Variants in RBFOX1 observed in about 807,000 individuals in gnomAD.
RBFOX1 encodes the protein RNA binding protein fox-1 homolog 1.
A neutral mutation model predicts 57.7 loss-of-function variants in RBFOX1; 8 were observed. That is an observed-to-expected ratio of 0.14 (90% CI 0.08 to 0.25). The LOEUF (loss-of-function observed/expected upper bound fraction) is 0.25. Among genes scored for constraint, RBFOX1 ranks in the 10% least tolerant of loss-of-function variants. The pLI, the probability that RBFOX1 is intolerant of heterozygous loss-of-function variation, is 1.00. For synonymous variants in RBFOX1, 326 were observed against 222.4 expected (o/e 1.47, Z -4.15); for missense variants, 611 against 548.5 (o/e 1.11, Z -1.14).
chr16:7,539,795 G>C (rs1357800049), intron 5 of RBFOX1, among the ~76,000 whole-genome samples: 1 of 152,184 alleles, frequency 6.6e-6, no homozygotes, highest in Non-Finnish European at 1.5e-5. Context: ...GGAGATGAAA[G>C]ACGAGAGAGG....
chr16:5,590,853 G>A (rs1038700373), intron 2 of RBFOX1, among the ~76,000 whole-genome samples: 1 of 152,088 alleles, frequency 6.6e-6, no homozygotes, highest in African/African-American at 2.4e-5. Flanking sequence ...GCCTACCCTG[G>A]GAACAGGAGG....
intron 4 of RBFOX1, among the ~76,000 whole-genome samples, chr16:5,965,509 C>T (rs1567198734): frequency 6.6e-6 from 1 of 152,148 alleles, no homozygotes; most frequent in African/African-American, 2.4e-5. Flanking sequence ...TCAGGCAGAA[C>T]TAAACACATA....
intron 1 of RBFOX1, among the ~76,000 whole-genome samples, chr16:6,071,638 A>G (rs371847460): frequency 2.6e-5 from 4 of 152,360 alleles, no homozygotes; most frequent in African/African-American, 9.6e-5. Context: ...TTTTAAGGGC[A>G]TAATATGATA....
chr16:5,480,592 ATGG>A (rs1288377297), intron 2 of RBFOX1, among the ~76,000 whole-genome samples: 1 of 152,198 alleles, frequency 6.6e-6, no homozygotes, highest in Admixed American at 6.5e-5. Context: ...TTAGTTCCCA[ATGG>A]CTTTCTTAAT....
At chr16:5,302,222 T>G (rs559566697) in intron 1 of RBFOX1, among the ~76,000 whole-genome samples, 1 of 152,348 alleles carries the variant, frequency 6.6e-6, no homozygotes, top group South Asian at 2.1e-4. Context: ...TTATTTAATT[T>G]CTAAATATTT....
At chr16:6,270,632 A>G (rs950470688) in intron 1 of RBFOX1, among the ~76,000 whole-genome samples, 3 of 152,206 alleles carry the variant, frequency 2.0e-5, no homozygotes, top group African/African-American at 4.8e-5. Context: ...TATCACAATT[A>G]TAGTCAGAGG....
intron 3 of RBFOX1, among the ~76,000 whole-genome samples, chr16:5,845,942 G>A (rs2056745541): frequency 3.3e-5 from 5 of 152,172 alleles, no homozygotes; most frequent in Admixed American, 2.6e-4. Context: ...GGAGGCTGAG[G>A]TGGGCAGATT....
chr16:5,902,003 C>T (rs886754716), intron 4 of RBFOX1, among the ~76,000 whole-genome samples: 1 of 152,118 alleles, frequency 6.6e-6, no homozygotes, highest in African/African-American at 2.4e-5. Context: ...TGTAACTTCC[C>T]ATTATTACTC....
intron 2 of RBFOX1, among the ~76,000 whole-genome samples, chr16:6,543,323 G>A (rs1567620855): frequency 6.6e-6 from 1 of 152,086 alleles, no homozygotes; most frequent in Non-Finnish European, 1.5e-5. Flanking sequence ...TTTACTGCTT[G>A]TGACTTGACA....
At chr16:7,016,421 G>A (rs547935402) in intron 3 of RBFOX1, among the ~76,000 whole-genome samples, 1 of 152,262 alleles carries the variant, frequency 6.6e-6, no homozygotes, top group East Asian at 1.9e-4. Flanking sequence ...AAATTCTGCA[G>A]ACTGGATTTA....
At chr16:7,510,523 A>C (rs62012663) in intron 4 of RBFOX1, among the ~76,000 whole-genome samples, 10 of 135,558 alleles carry the variant, frequency 7.4e-5, no homozygotes, top group African/African-American at 3.2e-4. Flanking sequence ...GCGCGCGCGC[A>C]CGCGCGCACG....
chr16:6,860,061 A>G (rs11640484), intron 3 of RBFOX1, among the ~76,000 whole-genome samples: 38,182 of 152,106 alleles, frequency 0.25, 5,242 homozygotes, highest in Admixed American at 0.38. Flanking sequence ...ATACCGAGGT[A>G]AGTGAAGAGA....
intron 2 of RBFOX1, among the ~76,000 whole-genome samples, chr16:5,584,892 G>C (rs1481154880): frequency 2.0e-5 from 3 of 152,126 alleles, no homozygotes; most frequent in African/African-American, 7.2e-5. Flanking sequence ...GATGTGTGTA[G>C]AAATCTGTGG....
chr16:7,317,899 C>T (rs948145705), intron 4 of RBFOX1, among the ~76,000 whole-genome samples: 1 of 150,934 alleles, frequency 6.6e-6, no homozygotes, highest in Non-Finnish European at 1.5e-5. Context: ...TATACTACCC[C>T]AGTACAGTAC....
intron 2 of RBFOX1, among the ~76,000 whole-genome samples, chr16:5,524,071 G>T (rs1597392635): frequency 1.3e-5 from 2 of 152,216 alleles, no homozygotes; most frequent in South Asian, 4.1e-4. Context: ...AAGGGTTTGT[G>T]GTTGAGAAAG....
chr16:6,142,189 CAAAAAAAAA>C (rs71142685), intron 1 of RBFOX1, among the ~76,000 whole-genome samples: 10 of 49,094 alleles, frequency 2.0e-4, no homozygotes, highest in African/African-American at 7.3e-4. Flanking sequence ...GCTGCTGCTG[CAAAAAAAAA>C]AAAAAAAAAA....
intron 3 of RBFOX1, among the ~76,000 whole-genome samples, chr16:5,606,109 C>T (rs2047569358): frequency 6.6e-6 from 1 of 152,176 alleles, no homozygotes; most frequent in African/African-American, 2.4e-5. Flanking sequence ...ACTTGCTGAA[C>T]CATGGCTCCT....
At chr16:6,657,853 T>C (rs1284354147) in intron 3 of RBFOX1, among the ~76,000 whole-genome samples, 1 of 152,070 alleles carries the variant, frequency 6.6e-6, no homozygotes, top group African/African-American at 2.4e-5. Context: ...TATTTTACTT[T>C]AGTTAAGGGA....
chr16:5,266,479 A>G (rs1187290123), intron 1 of RBFOX1, among the ~76,000 whole-genome samples: 1 of 151,786 alleles, frequency 6.6e-6, no homozygotes, highest in African/African-American at 2.4e-5. Flanking sequence ...AAGAGACCCC[A>G]GGAATATCCT....
Sources: gnomAD v4.1 joint callset for allele counts (sites outside exome capture counted in the v4.1 genomes callset) on GRCh38, gnomAD v4.1.1 for gene constraint, MANE v1.5 for transcripts, NCBI Gene and HGNC (gene_info 2026-07-23, HGNC 2026-07-21) for gene names.